Variants in CNTNAP2 observed in about 807,000 individuals in gnomAD.
CNTNAP2 encodes contactin-associated protein-like 2.
In CNTNAP2, 98 loss-of-function variants were observed where a neutral mutation model predicts 155.2. The observed-to-expected ratio is 0.63, with a 90% CI of 0.54 to 0.75. CNTNAP2 has a LOEUF of 0.75. Among genes scored for constraint, CNTNAP2 ranks in the 30% least tolerant of loss-of-function variants. CNTNAP2 has a pLI of 0.00. For synonymous variants in CNTNAP2, 651 were observed against 631.2 expected, an observed-to-expected ratio of 1.03 and a Z score of -0.47; for missense variants, 1,727 against 1,688.1, an observed-to-expected ratio of 1.02 and a Z score of -0.40.
intron 1 of CNTNAP2, among the ~76,000 whole-genome samples, chr7:146,410,091 TCTTGTCTCTACTCTGGA>T (rs1795845119): frequency 6.6e-6 from 1 of 152,218 alleles, no homozygotes; most frequent in Non-Finnish European, 1.5e-5. Context: ...CACTGTTCTC[TCTTGTCTCTACTCTGGA>T]CTTTCCCGTA....
In CNTNAP2 at chr7:146,949,631, C is replaced by A. The variant is rs149743668; in HGVS notation, c.403-94276C>A. Among the ~76,000 whole-genome samples, 518 of 152,210 alleles carry A rather than the reference C, an allele frequency of 3.4e-3. 7 individuals are homozygous for A. Among genetic ancestry groups the A allele is most frequent in the African/African-American group, 0.011 (471 of 41,538 alleles). Reference sequence around the variant, plus strand: ...TATTTCTGGGAAGAAATCTAAATTTCTTGTTTTGTTTTCTCAGTTATATCA... The same window carrying A: ...TATTTCTGGGAAGAAATCTAAATTTATTGTTTTGTTTTCTCAGTTATATCA... On this transcript the variant is annotated intron_variant, in intron 3 of 23. Transcript: ENST00000361727.
intron 12 of CNTNAP2, among the ~76,000 whole-genome samples, chr7:147,585,523 A>G (rs1447728456): frequency 6.7e-6 from 1 of 150,146 alleles, no homozygotes; most frequent in Non-Finnish European, 1.5e-5. Context: ...GATAGATGAT[A>G]TATATAGATC....
intron 3 of CNTNAP2, among the ~76,000 whole-genome samples, chr7:146,960,492 G>T (rs1797534617): frequency 6.6e-6 from 1 of 152,052 alleles, no homozygotes. Context: ...GTTCATAGTG[G>T]TCATTTGAAA....
chr7:146,650,664 A>G (rs1245848098), intron 1 of CNTNAP2, among the ~76,000 whole-genome samples: 1 of 152,276 alleles, frequency 6.6e-6, no homozygotes. Context: ...GGTTCTGCAC[A>G]TGTATCCTAG....
At chr7:146,930,785 C>T (rs372803624) in intron 3 of CNTNAP2, among the ~76,000 whole-genome samples, 52,921 of 151,704 alleles carry the variant, frequency 0.35, 9,883 homozygotes, top group Middle Eastern at 0.41. Context: ...GGTTTGCAAT[C>T]CTAGTCTCTG....
intron 5 of CNTNAP2, among the ~76,000 whole-genome samples, chr7:147,116,815 G>A (rs1365231141): frequency 6.6e-6 from 1 of 152,148 alleles, no homozygotes; most frequent in Non-Finnish European, 1.5e-5. Context: ...GAATGGATCA[G>A]GGCTCTGCTT....
chr7:147,270,745 T>C (rs1223154188), intron 8 of CNTNAP2, among the ~76,000 whole-genome samples: 1 of 152,260 alleles, frequency 6.6e-6, no homozygotes, highest in Non-Finnish European at 1.5e-5. Flanking sequence ...ACATTGTTTC[T>C]GCTTCTTTCA....
intron 22 of CNTNAP2, among the ~76,000 whole-genome samples, chr7:148,390,230 A>ATGTT (rs1292286985): frequency 2.6e-5 from 4 of 152,194 alleles, no homozygotes; most frequent in African/African-American, 9.7e-5. Context: ...CTCAGAGGAG[A>ATGTT]TGTTTTTACC....
chr7:147,151,923 C>G (rs1042175865), intron 8 of CNTNAP2, among the ~76,000 whole-genome samples: 20 of 152,008 alleles, frequency 1.3e-4, no homozygotes, highest in African/African-American at 4.6e-4. Context: ...CTTTGGGAAG[C>G]CTTCCTTGTT....
Position 148,170,205 on chromosome 7 carries a change from A to T in CNTNAP2, c.2774-2037A>T, listed in dbSNP as rs140171131. The stretch of plus-strand genomic sequence containing the variant: ...TACATTGATCACCAGGCAGAAAGAG[A>T]TGGGGAGATCTAAAAATGATTTCTA... On this transcript the variant is annotated intron_variant, in intron 17 of 23. Coordinates refer to ENST00000361727, the MANE Select transcript of CNTNAP2 (RefSeq NM_014141.6). Among the ~76,000 whole-genome samples, 281 of 152,302 alleles carry T rather than the reference A, an allele frequency of 1.8e-3. 2 individuals carry two copies. The highest frequency in any genetic ancestry group is 6.4e-3 in the African/African-American group (267 of 41,570).
At chr7:148,335,523 T>C (rs944447809) in intron 21 of CNTNAP2, among the ~76,000 whole-genome samples, 2 of 152,126 alleles carry the variant, frequency 1.3e-5, no homozygotes, top group African/African-American at 4.8e-5. Flanking sequence ...TCCCAGACAC[T>C]AGGCAGGAGT....
At chr7:147,598,657 T>C (rs914082355) in intron 12 of CNTNAP2, among the ~76,000 whole-genome samples, 2 of 152,174 alleles carry the variant, frequency 1.3e-5, no homozygotes, top group African/African-American at 4.8e-5. Context: ...GAATATTTTC[T>C]TATGTCTGCT....
intron 13 of CNTNAP2, among the ~76,000 whole-genome samples, chr7:147,826,932 T>A: frequency 6.8e-6 from 1 of 147,504 alleles, no homozygotes; most frequent in Admixed American, 6.7e-5. Flanking sequence ...GAATACATTT[T>A]TTTTTTTTTT....
chr7:147,340,777 C>A (rs2116859098), intron 9 of CNTNAP2, among the ~76,000 whole-genome samples: 1 of 152,076 alleles, frequency 6.6e-6, no homozygotes, highest in South Asian at 2.1e-4. Flanking sequence ...TTTTTCAACA[C>A]TCTCTCCACA....
chr7:147,825,802 AG>A (rs1798437207), intron 13 of CNTNAP2, among the ~76,000 whole-genome samples: 1 of 152,174 alleles, frequency 6.6e-6, no homozygotes, highest in Non-Finnish European at 1.5e-5. Flanking sequence ...TGACAGTTGG[AG>A]GGCAACAGAG....
At chr7:147,853,225 G>A (rs1032615692) in intron 13 of CNTNAP2, among the ~76,000 whole-genome samples, 6 of 152,174 alleles carry the variant, frequency 3.9e-5, no homozygotes, top group African/African-American at 1.4e-4. Context: ...ATTAATTGGG[G>A]AGGAGACAAG....
At chr7:147,501,066 G>C (rs1289321657) in intron 11 of CNTNAP2, among the ~76,000 whole-genome samples, 3 of 151,922 alleles carry the variant, frequency 2.0e-5, no homozygotes, top group Non-Finnish European at 2.9e-5. Context: ...TGGATGCAAG[G>C]ATGGTTTGAT....
At chr7:147,838,389 C>A (rs1383468138) in intron 13 of CNTNAP2, among the ~76,000 whole-genome samples, 1 of 151,662 alleles carries the variant, frequency 6.6e-6, no homozygotes, top group African/African-American at 2.4e-5. Flanking sequence ...AATATCTCCT[C>A]AGAAAATAGG....
intron 14 of CNTNAP2, among the ~76,000 whole-genome samples, chr7:147,918,246 A>T (rs1270233994): frequency 6.6e-6 from 1 of 152,250 alleles, no homozygotes; most frequent in Non-Finnish European, 1.5e-5. Flanking sequence ...GTCACTTAGC[A>T]GCTAGTCAAC....
Sources: allele counts gnomAD v4.1 joint callset (sites outside exome capture counted in the v4.1 genomes callset), GRCh38; gene constraint gnomAD v4.1.1; transcripts MANE v1.5; gene names NCBI Gene and HGNC (gene_info 2026-07-23, HGNC 2026-07-21).